DLX1: variants seen among roughly 807,000 people sequenced by gnomAD.
DLX1 encodes distal-less homeobox 1.
In DLX1, 7 loss-of-function variants were observed where a neutral mutation model predicts 25.0. The observed-to-expected ratio is 0.28, with a 90% CI of 0.16 to 0.52. The LOEUF (loss-of-function observed/expected upper bound fraction) is 0.52, where lower values mean the gene tolerates loss of function less well. Ranked by LOEUF, DLX1 falls within the 20% of genes least tolerant of loss-of-function variation. DLX1 has a pLI of 0.96. For missense variants in DLX1, 233 were observed against 334.4 expected, an observed-to-expected ratio of 0.70 and a Z score of 2.37; for synonymous variants, 155 against 140.3, an observed-to-expected ratio of 1.10 and a Z score of -0.74.
chr2:172,086,089 A>G, intron 1 of DLX1, 99 bp downstream of exon 1: 1 of 373,910 alleles, frequency 2.7e-6, no homozygotes, highest in Non-Finnish European at 4.2e-6. Context: ...AGAGAAAGAG[A>G]AGAGAGGAGA....
rs750521498 is a variant in DLX1, at chr2:172,087,991, C to A, written c.514-12C>A. 4.5e-5 allele frequency: 68 copies of A among 1,505,732 alleles called. No individual in the cohort carries two copies. Among genetic ancestry groups the A allele is most frequent in the Non-Finnish European group, 5.9e-5 (66 of 1,127,840 alleles). The allele number at this position is 1,505,732 out of a possible 1,614,324, so 93.3% of individuals were successfully genotyped here. A position where few individuals can be genotyped will look rare whatever the true frequency, so the allele number is the denominator to read the frequency against. The stretch of plus-strand genomic sequence containing the variant: ...GTCCCAGCCTGAGTCACGTTGTTGT[C>A]CGCTCTTGCAGGTCAAGATCTGGTT... On this transcript the variant is annotated splice_polypyrimidine_tract_variant and intron_variant, in intron 2 of 2. Transcript: ENST00000361725.
rs1690903090 is a variant in DLX1, at chr2:172,088,302, C to T, written c.*45C>T. The T allele has an allele frequency of 7.1e-7, 1 of 1,418,198 alleles. No individual in the cohort carries two copies. The highest frequency in any genetic ancestry group is 1.5e-5 in the African/African-American group (1 of 67,580). The allele number at this position is 1,418,198 out of a possible 1,614,324, so 87.9% of individuals were successfully genotyped here. A position where few individuals can be genotyped will look rare whatever the true frequency, so the allele number is the denominator to read the frequency against. On this transcript the variant is annotated 3_prime_UTR_variant, in exon 3 of 3. Transcript: ENST00000361725. Reference sequence around the variant, plus strand: ...TCTTGTCTCCCCGGCCCAGGTCCCTCCCGCCTCCAGGTCCATCCATCCCGT... The same window carrying T: ...TCTTGTCTCCCCGGCCCAGGTCCCTTCCGCCTCCAGGTCCATCCATCCCGT...
chr2:172,085,708 A>G lies in DLX1; in HGVS notation c.31A>G (p.Asn11Asp), dbSNP rs1418085191. ...CATGACCACCATGCCAGAAAGTCTCAACAGCCCCGTGTCGGGCAAGGCGGT... is the reference window on the plus strand; with the variant it reads ...CATGACCACCATGCCAGAAAGTCTCGACAGCCCCGTGTCGGGCAAGGCGGT... The part of the protein sequence containing the change: MTMTTMPESL[N>D]SPVSGKAVFM... The change falls in exon 1 of 3, where the codon AAC becomes GAC. Residue 11 changes from asparagine to aspartate, a missense_variant. By Grantham distance (23) the Asn-to-Asp change is conservative. Around this residue, in one of 3 missense-constraint regions of DLX1, gnomAD observed 126 missense variants for 170.4 expected, o/e 0.74. Coordinates refer to ENST00000361725, the MANE Select transcript of DLX1 (RefSeq NM_178120.5). The surrounding 1 kb of genome is among the most constrained non-coding windows in gnomAD (Gnocchi z 4.3). 1.9e-6 allele frequency: 3 copies of G among 1,614,048 alleles called. No homozygotes were observed. The highest frequency in any genetic ancestry group is 2.5e-6 in the Non-Finnish European group (3 of 1,179,970).
At chr2:172,086,019 G>A in intron 1 of DLX1, 29 bp downstream of exon 1, 1 of 1,592,120 alleles carries the variant, frequency 6.3e-7, no homozygotes, top group Non-Finnish European at 8.6e-7. Context: ...GAGAGGGAGA[G>A]GAGGAGGTAC....
Position 172,088,549 on chromosome 2 carries a change from C to T in DLX1, c.*292C>T. On this transcript the variant is annotated 3_prime_UTR_variant, in exon 3 of 3. Coordinates refer to ENST00000361725, the MANE Select transcript of DLX1 (RefSeq NM_178120.5). ...AGATAAACCCGCTCCACCCGACCCG[C>T]CGACCTTCAGCTTTGTGGGACTATC... The T allele has an allele frequency of 2.7e-6, 1 of 367,952 alleles. No individual in the cohort carries two copies. The highest frequency in any genetic ancestry group is 1.4e-4 in the South Asian group (1 of 7,106). 22.8% of individuals were successfully genotyped at this position (367,952 alleles called of 1,614,324 possible). A position where few individuals can be genotyped will look rare whatever the true frequency, so the allele number is the denominator to read the frequency against.
rs1690843435 is a variant in DLX1, at chr2:172,086,616, C to G, written c.314-38C>G. 3.3e-6 allele frequency: 5 copies of G among 1,502,026 alleles called. No individual in the cohort carries two copies. The South Asian group carries it at 4.0e-5, about 12-fold the overall frequency. 93.0% of individuals were successfully genotyped at this position (1,502,026 alleles called of 1,614,324 possible). On this transcript the variant is annotated intron_variant, in intron 1 of 2. Transcript: ENST00000361725. ...GCTGTTCGCACTAAAGGCGGCCCCT[C>G]GTATTAACAACGGGCCCTACTTCTG...
At chr2:172,087,721 T>C (rs1690870758) in intron 2 of DLX1, among the ~76,000 whole-genome samples, 1 of 151,682 alleles carries the variant, frequency 6.6e-6, no homozygotes, top group African/African-American at 2.4e-5. Flanking sequence ...CCTGGCAGGC[T>C]AAGGCCTGGA....
rs1445279897 is a variant in DLX1, at chr2:172,087,505, G to C, written c.514-498G>C. The C allele has an allele frequency of 6.5e-6, 3 of 458,820 alleles. No homozygotes were observed. In the East Asian group the frequency reaches 2.1e-4, roughly 32 times the overall value. The allele number at this position is 458,820 out of a possible 1,614,324, so 28.4% of individuals were successfully genotyped here. A position where few individuals can be genotyped will look rare whatever the true frequency, so the allele number is the denominator to read the frequency against. On this transcript the variant is annotated intron_variant, in intron 2 of 2. Transcript: ENST00000361725. ...GGTTTTGAATCCAAAGAGAAGTTCA[G>C]CAAAACCTTGAGGCCTCCTTAGTCC...
chr2:172,086,567 C>A (rs1361128206), intron 1 of DLX1, 87 bp from the exon 2 acceptor site: 29 of 1,328,108 alleles, frequency 2.2e-5, no homozygotes, highest in Non-Finnish European at 2.9e-5. Context: ...GCCTCCGCCA[C>A]CCTTCGGTAG....
Position 172,088,444 on chromosome 2 carries a change from A to C in DLX1, c.*187A>C. The C allele has an allele frequency of 4.2e-6, 3 of 721,666 alleles. No individual in the cohort carries two copies. Among genetic ancestry groups the C allele is most frequent in the Non-Finnish European group, 5.9e-6 (3 of 508,210 alleles). The allele number at this position is 721,666 out of a possible 1,614,324, so 44.7% of individuals were successfully genotyped here. On this transcript the variant is annotated 3_prime_UTR_variant, in exon 3 of 3. Transcript: ENST00000361725. ...TCCCGGCATCCGCGCTCTAGCCTGA[A>C]CCCTGGCCTGGGCCGAGCAGTGGCA...
rs768765630 is a variant in DLX1 at position 172,086,871 on chromosome 2, C to T, written c.513+18C>T. On this transcript the variant is annotated intron_variant, in intron 2 of 2. Coordinates refer to ENST00000361725, the MANE Select transcript of DLX1 (RefSeq NM_178120.5). ...AGACTCAGGTACCTCGCCGCTGCCG[C>T]TCCGTTCTGCCACGCAGGCTTTCCG... 1.2e-6 allele frequency: 2 copies of T among 1,614,062 alleles called. No homozygotes were observed. Among genetic ancestry groups the T allele is most frequent in the Admixed American group, 3.3e-5 (2 of 60,036 alleles).
rs979464565 is a variant in DLX1, at chr2:172,086,805, G to A, written c.465G>A (p.Leu155=). 6 of 1,614,252 alleles carry A rather than the reference G, an allele frequency of 3.7e-6. No homozygotes were observed. Among genetic ancestry groups the A allele is most frequent in the Middle Eastern group, 3.3e-4 (2 of 6,062 alleles). The change falls in exon 2 of 3, where the codon CTG becomes CTA. Residue 155 remains leucine, a synonymous_variant. Coordinates refer to ENST00000361725, the MANE Select transcript of DLX1 (RefSeq NM_178120.5). ...TCCAGCAAACTCAGTACCTAGCTCT[G>A]CCGGAGAGGGCGGAGCTCGCGGCCT... is the stretch of plus-strand genomic sequence containing the variant. The part of the protein sequence containing the change: ...RRFQQTQYLA[L]PERAELAASL...
chr2:172,085,818 G>T lies in DLX1; in HGVS notation c.141G>T (p.Ser47=), dbSNP rs779414144. 9.3e-6 allele frequency: 15 copies of T among 1,614,146 alleles called. No homozygotes were observed. In the South Asian group the frequency reaches 1.6e-4, roughly 18 times the overall value. The change falls in exon 1 of 3, where the codon TCG becomes TCT. Residue 47 remains serine (S), a synonymous_variant. Transcript: ENST00000361725. This position sits in a 1 kb window ranked among gnomAD's most constrained non-coding sequence, Gnocchi z 4.3. ...ACTACTCCATGCACTGTTTACACTC[G>T]GCGGGCCATTCGCAGCCCGACGGCG... is the stretch of plus-strand genomic sequence containing the variant. ...HGHYSMHCLH[S]AGHSQPDGAY...
intron 2 of DLX1, 192 bp downstream of exon 2, chr2:172,087,045 G>C (rs537726760): frequency 8.2e-6 from 6 of 733,004 alleles, no homozygotes; most frequent in African/African-American, 5.2e-5. Flanking sequence ...CACTGCTCTC[G>C]GTATCCCGAG....
chr2:172,087,877 G>A (rs576514219), intron 2 of DLX1, 126 bp from the exon 3 acceptor site: 2 of 1,317,834 alleles, frequency 1.5e-6, no homozygotes, highest in Non-Finnish European at 1.0e-6. Context: ...CTCTGGCAGG[G>A]AGCTGCCAGC....
chr2:172,087,149 C>T, intron 2 of DLX1: 1 of 639,996 alleles, frequency 1.6e-6, no homozygotes, highest in South Asian at 1.5e-5. Context: ...AGAGGTCACA[C>T]GTGCCTAAAC....
chr2:172,087,138 C>T (rs1466592803), intron 2 of DLX1: 2 of 659,622 alleles, frequency 3.0e-6, no homozygotes, highest in Admixed American at 4.2e-5. Flanking sequence ...TTTGGGAACT[C>T]AGAGGTCACA....
At chr2:172,086,160 T>A (rs560265066) in intron 1 of DLX1, 170 bp downstream of exon 1, 1 of 641,376 alleles carries the variant, frequency 1.6e-6, no homozygotes, top group East Asian at 2.8e-5. Flanking sequence ...TATCAATCTA[T>A]AGATCCTTGT....
In DLX1 at chr2:172,088,074, G is replaced by A. The variant is rs1179659445; in HGVS notation, c.585G>A (p.Glu195=). 19 of 1,584,142 alleles carry A rather than the reference G, an allele frequency of 1.2e-5. No individual in the cohort carries two copies. Among genetic ancestry groups the A allele is most frequent in the Non-Finnish European group, 1.6e-5 (19 of 1,165,722 alleles). The change falls in exon 3 of 3, where the codon GAG becomes GAA. Residue 195 remains glutamate (E), a synonymous_variant. Coordinates refer to ENST00000361725, the MANE Select transcript of DLX1 (RefSeq NM_178120.5). ...KLMKQGGAAL[E]GSALANGRAL... is the part of the protein sequence containing the mutation. ...TGAAGCAGGGTGGGGCGGCTCTGGAGGGTAGTGCGTTGGCCAACGGTCGGG... is the reference window on the plus strand; with the variant it reads ...TGAAGCAGGGTGGGGCGGCTCTGGAAGGTAGTGCGTTGGCCAACGGTCGGG...
Sources: gnomAD v4.1 joint callset for allele counts (sites outside exome capture counted in the v4.1 genomes callset) on GRCh38, gnomAD v4.1.1 for gene constraint, gnomAD v4.1.1 regional missense constraint, Gnocchi (gnomAD v3.1) non-coding constraint, MANE v1.5 for transcripts, NCBI Gene and HGNC (gene_info 2026-07-23, HGNC 2026-07-21) for gene names.